ELMO1: variants seen among roughly 807,000 people sequenced by gnomAD.
The protein encoded by ELMO1 is engulfment and cell motility protein 1.
In ELMO1, 26 loss-of-function variants were observed where a neutral mutation model predicts 98.9. That is an observed-to-expected ratio of 0.26 (90% CI 0.19 to 0.36). ELMO1 has a LOEUF of 0.36. Among genes scored for constraint, ELMO1 ranks in the 10% least tolerant of loss-of-function variants. ELMO1 has a pLI of 1.00. For synonymous variants in ELMO1, 346 were observed against 346.0 expected (o/e 1.00, Z 0.00); for missense variants, 627 against 935.2 (o/e 0.67, Z 4.30).
At chr7:37,444,824 T>A (rs1662197494) in intron 1 of ELMO1, among the ~76,000 whole-genome samples, 1 of 152,232 alleles carries the variant, frequency 6.6e-6, no homozygotes, top group South Asian at 2.1e-4. Flanking sequence ...AATAGTAGCA[T>A]TTTGAAAAGT....
intron 1 of ELMO1, among the ~76,000 whole-genome samples, chr7:37,423,155 G>A (rs1804552816): frequency 6.6e-6 from 1 of 152,206 alleles, no homozygotes; most frequent in Non-Finnish European, 1.5e-5. Context: ...GAAAAACATG[G>A]CACAATTTCC....
At chr7:37,409,632 C>T (rs1222886687) in intron 1 of ELMO1, among the ~76,000 whole-genome samples, 1 of 152,186 alleles carries the variant, frequency 6.6e-6, no homozygotes, top group Non-Finnish European at 1.5e-5. Flanking sequence ...TCAATTCCTC[C>T]CACTTGGGAC....
intron 13 of ELMO1, among the ~76,000 whole-genome samples, chr7:37,173,644 C>T (rs907903626): frequency 6.6e-6 from 1 of 152,228 alleles, no homozygotes; most frequent in African/African-American, 2.4e-5. Context: ...CCCATGGCAG[C>T]GTCTTGAGGA....
At chr7:37,049,048 A>G (rs980858094) in intron 15 of ELMO1, among the ~76,000 whole-genome samples, 1 of 152,172 alleles carries the variant, frequency 6.6e-6, no homozygotes, top group African/African-American at 2.4e-5. Flanking sequence ...GGTAGAATTT[A>G]TAATTATTTA....
chr7:37,176,211 T>A (rs1790489393), intron 13 of ELMO1, among the ~76,000 whole-genome samples: 1 of 152,232 alleles, frequency 6.6e-6, no homozygotes, highest in Admixed American at 6.5e-5. Context: ...CAAAGACTCA[T>A]CGACTGTTAT....
chr7:36,937,272 T>C (rs898837134), intron 16 of ELMO1, among the ~76,000 whole-genome samples: 2 of 152,184 alleles, frequency 1.3e-5, no homozygotes, highest in African/African-American at 4.8e-5. Flanking sequence ...CTGGCGTCCT[T>C]ATAAGAAGAT....
intron 2 of ELMO1, among the ~76,000 whole-genome samples, chr7:37,327,229 G>A (rs996820819): frequency 6.6e-6 from 1 of 152,228 alleles, no homozygotes; most frequent in African/African-American, 2.4e-5. Context: ...TTCACAGGGA[G>A]AATCAATTCA....
intron 7 of ELMO1, among the ~76,000 whole-genome samples, chr7:37,242,443 A>G (rs559644914): frequency 1.3e-5 from 2 of 152,320 alleles, no homozygotes; most frequent in East Asian, 3.9e-4. Context: ...TCTCAGGGCC[A>G]GTTTTTACTA....
At chr7:37,226,917 C>T (rs570430987) in intron 8 of ELMO1, among the ~76,000 whole-genome samples, 112 of 152,266 alleles carry the variant, frequency 7.4e-4, no homozygotes, top group African/African-American at 2.5e-3. Context: ...ACTTCAAGGA[C>T]CTTACAGTCT....
chr7:37,385,336 A>C (rs1802754307), intron 1 of ELMO1, among the ~76,000 whole-genome samples: 1 of 151,462 alleles, frequency 6.6e-6, no homozygotes, highest in African/African-American at 2.4e-5. Flanking sequence ...TCCTCATTCC[A>C]TCTCCCCCTC....
chr7:37,188,573 G>A (rs1791387019), intron 13 of ELMO1, among the ~76,000 whole-genome samples: 1 of 151,006 alleles, frequency 6.6e-6, no homozygotes, highest in African/African-American at 2.4e-5. Context: ...AAATGTGGCT[G>A]TGGGTATTTA....
chr7:37,218,745 G>C (rs116114490), intron 10 of ELMO1, among the ~76,000 whole-genome samples: 1,524 of 152,296 alleles, frequency 0.01, 28 homozygotes, highest in African/African-American at 0.035. Context: ...TGTATTAGGA[G>C]AATATTTGCA....
chr7:37,205,603 C>T (rs886941303), intron 13 of ELMO1, among the ~76,000 whole-genome samples: 1 of 152,024 alleles, frequency 6.6e-6, no homozygotes, highest in African/African-American at 2.4e-5. Context: ...GCAGGAAGCA[C>T]AAAAATGAGA....
At chr7:36,873,522 T>C (rs1803706304) in intron 19 of ELMO1, among the ~76,000 whole-genome samples, 1 of 152,210 alleles carries the variant, frequency 6.6e-6, no homozygotes, top group Non-Finnish European at 1.5e-5. Context: ...GTTGAGACCA[T>C]CTTAATTCAA....
intron 14 of ELMO1, among the ~76,000 whole-genome samples, chr7:37,132,741 C>T (rs1026422898): frequency 2.6e-5 from 4 of 152,130 alleles, no homozygotes; most frequent in Admixed American, 2.6e-4. Context: ...CCATTTTTCT[C>T]TTTGTTTCTG....
intron 15 of ELMO1, among the ~76,000 whole-genome samples, chr7:37,075,643 T>C (rs1797534724): frequency 6.6e-6 from 1 of 152,150 alleles, no homozygotes; most frequent in African/African-American, 2.4e-5. Flanking sequence ...GGCTCCTTCT[T>C]ATATGCACAT....
intron 1 of ELMO1, among the ~76,000 whole-genome samples, chr7:37,409,723 T>A (rs556438649): frequency 5.9e-5 from 9 of 152,272 alleles, no homozygotes; most frequent in African/African-American, 2.2e-4. Context: ...TGGAGGTGAA[T>A]AACATTTTTA....
chr7:37,412,586 A>AT (rs955152620), intron 1 of ELMO1, among the ~76,000 whole-genome samples: 2 of 22,192 alleles, frequency 9.0e-5, no homozygotes, highest in Non-Finnish European at 1.6e-4. Flanking sequence ...TTAGCTTGTC[A>AT]TTTTTTTTCA....
chr7:37,342,813 A>T lies in ELMO1; in HGVS notation c.-73-50T>A. ...AAGAGAAGTCACTCAGTGCAGATGCAGGGTGAATTTTGCTTCATCACTTCC... is the reference window on the plus strand; with the variant it reads ...AAGAGAAGTCACTCAGTGCAGATGCTGGGTGAATTTTGCTTCATCACTTCC... On this transcript the variant is annotated intron_variant, in intron 1 of 21. Coordinates refer to ENST00000310758, the MANE Select transcript of ELMO1 (RefSeq NM_014800.11). The surrounding 1 kb of genome is among the most constrained non-coding windows in gnomAD (Gnocchi z 4.3). 6 of 890,190 alleles carry T rather than the reference A, an allele frequency of 6.7e-6. No homozygotes were observed. Among genetic ancestry groups the T allele is most frequent in the Admixed American group, 2.9e-5 (1 of 34,972 alleles). 55.1% of individuals were successfully genotyped at this position (890,190 alleles called of 1,614,324 possible).
Sources: gnomAD v4.1 joint callset for allele counts (sites outside exome capture counted in the v4.1 genomes callset) on GRCh38, gnomAD v4.1.1 for gene constraint, Gnocchi (gnomAD v3.1) non-coding constraint, MANE v1.5 for transcripts, NCBI Gene and HGNC (gene_info 2026-07-23, HGNC 2026-07-21) for gene names.